The following CPSF3 variants were observed in gnomAD, a reference collection of about 807,000 sequenced individuals.
CPSF3 encodes cleavage and polyadenylation specificity factor subunit 3.
CPSF3 carries 57 observed loss-of-function variants against 84.1 expected under a neutral mutation model. That is an observed-to-expected ratio of 0.68 (90% confidence interval 0.55 to 0.85). CPSF3 has a LOEUF of 0.85. CPSF3 is among the 40% of genes least tolerant of loss of function. CPSF3 has a pLI of 0.00. For synonymous variants in CPSF3, 275 were observed against 278.1 expected, an observed-to-expected ratio of 0.99 and a Z score of 0.11; for missense variants, 522 against 838.8, an observed-to-expected ratio of 0.62 and a Z score of 4.66.
At chr2:9,448,392 C>T (rs770305397) in intron 11 of CPSF3, 42 bp downstream of exon 11, 9 of 1,508,626 alleles carry the variant, frequency 6.0e-6, no homozygotes, top group South Asian at 1.3e-5. Context: ...CATGTTTTTT[C>T]TTCAGGAAAG....
chr2:9,467,691 C>CTTTTTTTT lies in CPSF3; in HGVS notation c.1787-13_1787-6dup. The CTTTTTTTT allele has an allele frequency of 7.1e-7, 1 of 1,416,990 alleles. No homozygotes were observed. 87.8% of individuals were successfully genotyped at this position (1,416,990 alleles called of 1,614,324 possible). Reference sequence around the variant, plus strand: ...AATTTAGAAACTGAACTCTCTGTCGCTTTTTTTTTTCCCAGGTGCAGTACA... The same window carrying CTTTTTTTT: ...AATTTAGAAACTGAACTCTCTGTCGCTTTTTTTTTTTTTTTTTTCCCAGGTGCAGTACA... On this transcript the variant is annotated splice_polypyrimidine_tract_variant and intron_variant, in intron 15 of 17. Transcript: ENST00000238112.
intron 1 of CPSF3, chr2:9,424,186 T>G (rs1323907266): frequency 9.7e-7 from 1 of 1,031,830 alleles, no homozygotes; most frequent in African/African-American, 1.7e-5. Context: ...CGGTGAAGCT[T>G]ATGACCGACA....
chr2:9,448,347 CAAGGTAA>C lies in CPSF3; in HGVS notation c.1395+3_1395+9del, dbSNP rs759662876. ...TAAACTTCAGAGGAGAAAAACTAGC[CAAGGTAA>C]AAGGTTATGGTTCCTGTCTGTCCAA... On this transcript the variant is annotated splice_donor_variant and splice_donor_region_variant and coding_sequence_variant and intron_variant, in exon 11 of 18. Transcript: ENST00000238112. LOFTEE classifies it high-confidence loss of function. The C allele has an allele frequency of 6.2e-7, 1 of 1,610,574 alleles. No individual in the cohort carries two copies. The highest frequency in any genetic ancestry group is 8.5e-7 in the Non-Finnish European group (1 of 1,178,200).
intron 7 of CPSF3, 102 bp from the exon 8 acceptor site, chr2:9,440,389 G>T: frequency 1.1e-6 from 1 of 913,822 alleles, no homozygotes. Flanking sequence ...TTTATTTCTT[G>T]GTTGTATGTG....
At chr2:9,470,659 C>A (rs1434084023) in intron 16 of CPSF3, among the ~76,000 whole-genome samples, 1 of 152,176 alleles carries the variant, frequency 6.6e-6, no homozygotes, top group African/African-American at 2.4e-5. Context: ...GGCTTGGGAG[C>A]CATTTAAACC....
intron 4 of CPSF3, among the ~76,000 whole-genome samples, chr2:9,431,598 G>A: frequency 7.2e-6 from 1 of 139,140 alleles, no homozygotes; most frequent in Non-Finnish European, 1.5e-5. Flanking sequence ...AGGCTGGAGT[G>A]CAGTGGCGCT....
In CPSF3 at chr2:9,451,844, G is replaced by T. The variant is rs35355139; in HGVS notation, c.1396-1069G>T. Among the ~76,000 whole-genome samples the T allele has an allele frequency of 5.9e-3, 887 of 151,548 alleles. 11 individuals carry two copies. The highest frequency in any genetic ancestry group is 0.02 in the African/African-American group (835 of 41,328). On this transcript the variant is annotated intron_variant, in intron 11 of 17. Transcript: ENST00000238112. ...CCATTCTCCTGCCTCAGCCTCCCGA[G>T]TAGCTGGGACTACAGGCGCCCGCCA...
At chr2:9,452,728 T>C (rs1365471339) in intron 11 of CPSF3, among the ~76,000 whole-genome samples, 185 bp from the exon 12 acceptor site, 1 of 152,232 alleles carries the variant, frequency 6.6e-6, no homozygotes, top group Admixed American at 6.5e-5. Flanking sequence ...CCCTTTGACA[T>C]TGGTAGCAAT....
chr2:9,423,871 G>A (rs1362647388), intron 1 of CPSF3, 48 bp downstream of exon 1: 3 of 1,604,836 alleles, frequency 1.9e-6, no homozygotes, highest in Admixed American at 1.7e-5. Flanking sequence ...TGTGAGGGGC[G>A]CGAGGGGTAA....
intron 15 of CPSF3, among the ~76,000 whole-genome samples, chr2:9,461,432 G>A (rs1572803250): frequency 6.6e-6 from 1 of 152,122 alleles, no homozygotes; most frequent in South Asian, 2.1e-4. Flanking sequence ...GGAGACTGAG[G>A]TGGGTGGATC....
intron 15 of CPSF3, among the ~76,000 whole-genome samples, chr2:9,464,682 C>T (rs933243231): frequency 1.3e-5 from 2 of 152,146 alleles, no homozygotes; most frequent in African/African-American, 4.8e-5. Flanking sequence ...GCCTCGACCT[C>T]CTGGGCTCAA....
chr2:9,471,468 A>G (rs759541772), intron 17 of CPSF3, 29 bp downstream of exon 17: 1 of 1,348,032 alleles, frequency 7.4e-7, no homozygotes, highest in Non-Finnish European at 1.1e-6. Flanking sequence ...CTACGTTTCA[A>G]GACATTTGGG....
At chr2:9,458,581 A>G (rs1221137979) in intron 14 of CPSF3, among the ~76,000 whole-genome samples, 1 of 152,202 alleles carries the variant, frequency 6.6e-6, no homozygotes, top group African/African-American at 2.4e-5. Context: ...CTGTAATCCT[A>G]GCACCTTGGG....
intron 13 of CPSF3, among the ~76,000 whole-genome samples, chr2:9,456,629 G>A (rs1681540681): frequency 1.3e-5 from 2 of 152,174 alleles, no homozygotes; most frequent in Non-Finnish European, 2.9e-5. Flanking sequence ...TATGTTATAT[G>A]TTAAGATGCT....
intron 7 of CPSF3, 147 bp from the exon 8 acceptor site, chr2:9,440,344 A>G (rs1478885824): frequency 4.5e-6 from 3 of 668,366 alleles, no homozygotes; most frequent in Non-Finnish European, 7.1e-6. Flanking sequence ...AACCAGGATA[A>G]TTTTGCTTAA....
chr2:9,438,500 CTT>C (rs60728053), intron 7 of CPSF3, among the ~76,000 whole-genome samples: 16 of 130,340 alleles, frequency 1.2e-4, no homozygotes, highest in African/African-American at 2.3e-4. Context: ...AATATATATT[CTT>C]TTTTTTTTTT....
chr2:9,437,667 G>A (rs1412343125), intron 7 of CPSF3, among the ~76,000 whole-genome samples: 1 of 152,128 alleles, frequency 6.6e-6, no homozygotes, highest in Non-Finnish European at 1.5e-5. Flanking sequence ...GGTGATTCTA[G>A]TTGGGAAGAG....
Position 9,432,827 on chromosome 2 carries a change from C to T in CPSF3, c.519+139C>T, listed in dbSNP as rs375185961. 264 of 603,746 alleles carry T rather than the reference C, an allele frequency of 4.4e-4. 1 individual carries two copies. In the Middle Eastern group the frequency reaches 6.0e-3, roughly 14 times the overall value. The allele number at this position is 603,746 out of a possible 1,614,324, so 37.4% of individuals were successfully genotyped here. On this transcript the variant is annotated intron_variant, in intron 5 of 17. Transcript: ENST00000238112. ...AAACATAAGATAAAAATACAGTTAA[C>T]GCTTGTTCCTTTTAAATATTGCAGT...
intron 1 of CPSF3, 64 bp downstream of exon 1, chr2:9,423,887 G>T: frequency 6.3e-7 from 1 of 1,592,878 alleles, no homozygotes. Context: ...GGTAACCGGA[G>T]ACTGGCCTCC....
Sources: allele counts gnomAD v4.1 joint callset (sites outside exome capture counted in the v4.1 genomes callset), GRCh38; gene constraint gnomAD v4.1.1; transcripts MANE v1.5; gene names NCBI Gene and HGNC (gene_info 2026-07-23, HGNC 2026-07-21).